PLD5: variants seen among roughly 807,000 people sequenced by gnomAD.
PLD5 encodes the protein phospholipase D family member 5, also known as inactive phospholipase D5.
PLD5 carries 36 observed loss-of-function variants against 61.1 expected under a neutral mutation model. The ratio of observed to expected loss-of-function variants is 0.59; its 90% CI spans 0.45 to 0.78. The LOEUF (loss-of-function observed/expected upper bound fraction) is 0.78, where lower values mean the gene tolerates loss of function less well. PLD5 is among the 30% of genes least tolerant of loss of function. The pLI, the probability that PLD5 is intolerant of heterozygous loss-of-function variation, is 0.00. For synonymous variants in PLD5, 243 were observed against 242.8 expected, an observed-to-expected ratio of 1.00 and a Z score of -0.01; for missense variants, 515 against 644.4, an observed-to-expected ratio of 0.80 and a Z score of 2.17.
At chr1:242,175,402 C>G (rs1667072291) in intron 5 of PLD5, among the ~76,000 whole-genome samples, 1 of 152,162 alleles carries the variant, frequency 6.6e-6, no homozygotes, top group Non-Finnish European at 1.5e-5. Flanking sequence ...TTCAACACCC[C>G]TTCATACTAA....
intron 1 of PLD5, among the ~76,000 whole-genome samples, chr1:242,397,833 C>T (rs1261829460): frequency 4.0e-5 from 6 of 150,080 alleles, no homozygotes; most frequent in South Asian, 4.2e-4. Flanking sequence ...TCCTAGAACA[C>T]AGCAGGAATG....
At chr1:242,354,254 C>T (rs552622254) in intron 1 of PLD5, among the ~76,000 whole-genome samples, 2 of 152,274 alleles carry the variant, frequency 1.3e-5, no homozygotes, top group South Asian at 4.1e-4. Context: ...ACCCACTTTG[C>T]CAACAACCTG....
chr1:242,447,222 A>C (rs1666580557), intron 1 of PLD5, among the ~76,000 whole-genome samples: 2 of 152,256 alleles, frequency 1.3e-5, no homozygotes, highest in South Asian at 4.1e-4. Context: ...AATAAAATTT[A>C]AAAAGTAATC....
At chr1:242,197,955 C>T (rs1321336786) in intron 5 of PLD5, among the ~76,000 whole-genome samples, 1 of 152,148 alleles carries the variant, frequency 6.6e-6, no homozygotes, top group African/African-American at 2.4e-5. Flanking sequence ...ATACTCTTTA[C>T]CTGCTTATGT....
chr1:242,211,613 T>C (rs915142972), intron 5 of PLD5, among the ~76,000 whole-genome samples: 3 of 152,174 alleles, frequency 2.0e-5, no homozygotes, highest in Non-Finnish European at 4.4e-5. Flanking sequence ...TGAGTATCAG[T>C]GTCTGAGTAC....
chr1:242,150,940 C>T (rs1307758606), intron 5 of PLD5, among the ~76,000 whole-genome samples: 1 of 151,226 alleles, frequency 6.6e-6, no homozygotes, highest in Non-Finnish European at 1.5e-5. Flanking sequence ...TGTCTCTATC[C>T]TCAGCTCATT....
intron 3 of PLD5, among the ~76,000 whole-genome samples, chr1:242,271,980 T>C (rs1308311050): frequency 6.6e-6 from 1 of 151,908 alleles, no homozygotes; most frequent in Non-Finnish European, 1.5e-5. Flanking sequence ...ATAGAACACA[T>C]ATGCAGTATA....
intron 1 of PLD5, among the ~76,000 whole-genome samples, chr1:242,443,502 AG>A (rs1666368682): frequency 6.6e-6 from 1 of 152,134 alleles, no homozygotes; most frequent in Admixed American, 6.6e-5. Flanking sequence ...TTAGGTGTCC[AG>A]GATGTGAACT....
Position 242,197,513 on chromosome 1 carries a change from A to T in PLD5, c.735+22475T>A, listed in dbSNP as rs1372685678. Among the ~76,000 whole-genome samples the T allele has an allele frequency of 2.0e-5, 3 of 152,160 alleles. No homozygotes were observed. The East Asian group carries it at 5.8e-4, about 29-fold the overall frequency. On this transcript the variant is annotated intron_variant, in intron 5 of 9. Coordinates refer to ENST00000536534, the MANE Select transcript of PLD5 (RefSeq NM_001372062.1). ...AAACCACTTCACCTCTGTGCAAAGGAAAACCTTTCTCCCCTTTCTCCAACC... is the reference window on the plus strand; with the variant it reads ...AAACCACTTCACCTCTGTGCAAAGGTAAACCTTTCTCCCCTTTCTCCAACC...
chr1:242,179,092 C>T (rs1174271240), intron 5 of PLD5, among the ~76,000 whole-genome samples: 1 of 152,176 alleles, frequency 6.6e-6, no homozygotes, highest in East Asian at 1.9e-4. Context: ...GCAGGTGAGC[C>T]ACTCATGCAG....
chr1:242,445,759 T>A (rs1449424513), intron 1 of PLD5, among the ~76,000 whole-genome samples: 3 of 135,952 alleles, frequency 2.2e-5, no homozygotes, highest in African/African-American at 8.3e-5. Flanking sequence ...TTTTATTCAC[T>A]TCTTTTTTTT....
intron 5 of PLD5, among the ~76,000 whole-genome samples, chr1:242,187,491 T>A (rs1667982492): frequency 6.6e-6 from 1 of 152,220 alleles, no homozygotes; most frequent in Admixed American, 6.5e-5. Flanking sequence ...ATATATGCAC[T>A]ATGAATATGC....
chr1:242,501,496 C>G (rs1668552777), intron 1 of PLD5, among the ~76,000 whole-genome samples: 1 of 152,226 alleles, frequency 6.6e-6, no homozygotes, highest in South Asian at 2.1e-4. Flanking sequence ...GTTCTGTCCA[C>G]TTTGGGGCAG....
upstream of PLD5, among the ~76,000 whole-genome samples, chr1:242,527,233 C>A (rs971041452): frequency 1.6e-4 from 23 of 146,150 alleles, no homozygotes; most frequent in Admixed American, 4.2e-4. Flanking sequence ...CAGGTTCAAG[C>A]AATTCTCATG....
intron 1 of PLD5, among the ~76,000 whole-genome samples, chr1:242,434,600 C>T (rs1665894568): frequency 6.6e-6 from 1 of 151,944 alleles, no homozygotes; most frequent in African/African-American, 2.4e-5. Context: ...TGAGACATCC[C>T]TTGTTTTATT....
At chr1:242,393,187 C>T (rs559335299) in intron 1 of PLD5, among the ~76,000 whole-genome samples, 71 of 135,888 alleles carry the variant, frequency 5.2e-4, no homozygotes, top group African/African-American at 1.2e-3. Context: ...CTGGATAAGA[C>T]GACGACTCCG....
At chr1:242,193,294 T>C (rs56313862) in intron 5 of PLD5, among the ~76,000 whole-genome samples, 1,750 of 152,174 alleles carry the variant, frequency 0.011, 32 homozygotes, top group African/African-American at 0.039. Flanking sequence ...AATTTTTCAC[T>C]GCTTCTCTTT....
At chr1:242,497,681 T>C (rs924743786) in intron 1 of PLD5, among the ~76,000 whole-genome samples, 1 of 152,252 alleles carries the variant, frequency 6.6e-6, no homozygotes, top group Non-Finnish European at 1.5e-5. Context: ...TGAGATAACA[T>C]ATTTGAAGAA....
intron 1 of PLD5, among the ~76,000 whole-genome samples, chr1:242,480,924 A>C (rs532751750): frequency 6.6e-6 from 1 of 152,364 alleles, no homozygotes; most frequent in South Asian, 2.1e-4. Flanking sequence ...CGTACAACCA[A>C]TTTAAAAAAT....
Sources: gnomAD v4.1 joint callset for allele counts (sites outside exome capture counted in the v4.1 genomes callset) on GRCh38, gnomAD v4.1.1 for gene constraint, MANE v1.5 for transcripts, NCBI Gene and HGNC (gene_info 2026-07-23, HGNC 2026-07-21) for gene names.